Variants in DNHD1 observed in about 807,000 individuals in gnomAD.
DNHD1 encodes dynein heavy chain domain-containing protein 1.
In DNHD1, 383 loss-of-function variants were observed where a neutral mutation model predicts 458.1. The ratio of observed to expected loss-of-function variants is 0.84; its 90% confidence interval spans 0.77 to 0.91. The LOEUF (loss-of-function observed/expected upper bound fraction) is 0.91. Among genes scored for constraint, DNHD1 ranks in the 40% least tolerant of loss-of-function variants. DNHD1 has a pLI of 0.00. For synonymous variants in DNHD1, 2,203 were observed against 2,376.9 expected (o/e 0.93, Z 2.13); for missense variants, 5,336 against 5,866.1 (o/e 0.91, Z 2.95).
In DNHD1 at chr11:6,558,927, G is replaced by A. The variant is rs1208181224; in HGVS notation, c.9237G>A (p.Gln3079=). 6.4e-7 allele frequency: 1 copy of A among 1,551,680 alleles called. No homozygotes were observed. The highest frequency in any genetic ancestry group is 8.7e-7 in the Non-Finnish European group (1 of 1,146,996). Residue 3079 remains glutamine (Q), a synonymous_variant, in exon 27 of 43, where the codon CAG becomes CAA. Coordinates refer to ENST00000254579, the MANE Select transcript of DNHD1 (RefSeq NM_144666.3). ...GCTCCTGGAAGTACCCAGACCTCCA[G>A]GCCTCAATTCCCAGTGTGGCCAAAG... ...DDGSWKYPDL[Q]ASIPSVAKAM...
chr11:6,558,165 T>TCCTGGC lies in DNHD1; in HGVS notation c.8877_8882dup (p.Leu2960_Ala2961dup), dbSNP rs1333199832. The TCCTGGC allele has an allele frequency of 3.2e-6, 5 of 1,551,410 alleles. No homozygotes were observed. The highest frequency in any genetic ancestry group is 4.4e-6 in the Non-Finnish European group (5 of 1,146,972). ...GTGGATCTCACTACACTTCATCGCC[T>TCCTGGC]CCTGGCCCTGGCAACCTCAGGCAGT... On this transcript the variant is annotated inframe_insertion, in exon 25 of 43. Transcript: ENST00000254579.
chr11:6,557,241 A>G lies in DNHD1; in HGVS notation c.7946A>G (p.His2649Arg), dbSNP rs1392163684. Residue 2649 changes from histidine (H) to arginine (R), a missense_variant, in exon 25 of 43, where the codon CAT becomes CGT. By Grantham distance (29) the His-to-Arg change is conservative. This residue lies in a region of DNHD1 where 3,932 missense variants were observed against 4,365.6 expected (regional missense o/e 0.90). Transcript: ENST00000254579. ...ATRNVVRLWL[H>R]EAQRTFCDRL... ...CGCAATGTGGTGCGTCTTTGGTTGCATGAGGCACAGAGAACCTTTTGCGAC... is the reference window on the plus strand; with the variant it reads ...CGCAATGTGGTGCGTCTTTGGTTGCGTGAGGCACAGAGAACCTTTTGCGAC... The G allele has an allele frequency of 6.4e-6, 10 of 1,551,626 alleles. No homozygotes were observed. In the South Asian group the frequency reaches 1.1e-4, roughly 17 times the overall value.
intron 10 of DNHD1, among the ~76,000 whole-genome samples, chr11:6,525,761 A>G (rs1438821379): frequency 6.6e-6 from 1 of 152,176 alleles, no homozygotes; most frequent in African/African-American, 2.4e-5. Context: ...TATCTTAAAT[A>G]TGTTACTATG....
Position 6,557,418 on chromosome 11 carries a change from T to C in DNHD1, c.8123T>C (p.Val2708Ala). 1 of 1,550,980 alleles carries C rather than the reference T, an allele frequency of 6.4e-7. No individual in the cohort carries two copies. Among genetic ancestry groups the C allele is most frequent in the Non-Finnish European group, 8.7e-7 (1 of 1,147,014 alleles). The change falls in exon 25 of 43, where the codon GTA becomes GCA. Residue 2708 changes from valine (V) to alanine (A), a missense_variant. Coordinates refer to ENST00000254579, the MANE Select transcript of DNHD1 (RefSeq NM_144666.3). ...GAGGAGGAGGAGAGGGTGCCCGAAG[T>C]AGAATCTGAAGGGGAGTTGGCCCAG... The part of the protein sequence containing the change: ...EEEEEERVPE[V>A]ESEGELAQWE...
rs180756698 is a variant in DNHD1 at position 6,537,585 on chromosome 11, C to T, written c.2999-798C>T. 1.7e-3 allele frequency among the ~76,000 whole-genome samples: 263 copies of T among 151,740 alleles called. 4 individuals carry two copies. The highest frequency in any genetic ancestry group is 0.015 in the Admixed American group (231 of 15,250). On this transcript the variant is annotated intron_variant, in intron 14 of 42. Transcript: ENST00000254579. ...ACAGAGTAAGAGGGGTTGAAAATGC[C>T]GGGAAGGGTAGCTAGGAATTTTTAA...
chr11:6,512,211 CTTTTTTTTTTTTTT>C (rs11287049), intron 7 of DNHD1, among the ~76,000 whole-genome samples: 6 of 91,624 alleles, frequency 6.5e-5, no homozygotes, highest in Non-Finnish European at 1.0e-4. Flanking sequence ...CTTTTTCTTT[CTTTTTTTTTTTTTT>C]TTTTTTTTTT....
chr11:6,501,708 A>C (rs1310755604), intron 3 of DNHD1, among the ~76,000 whole-genome samples: 3 of 152,138 alleles, frequency 2.0e-5, no homozygotes, highest in Non-Finnish European at 2.9e-5. Context: ...GACTTGTGTG[A>C]AGACATCAGG....
intron 17 of DNHD1, among the ~76,000 whole-genome samples, chr11:6,539,523 G>A (rs75794455): frequency 6.6e-6 from 1 of 152,184 alleles, no homozygotes; most frequent in Admixed American, 6.5e-5. Context: ...TGTCCCTGAT[G>A]GGGGAAGGAA....
chr11:6,558,842 CT>C, intron 26 of DNHD1, 59 bp from the exon 27 acceptor site: 2 of 1,531,352 alleles, frequency 1.3e-6, no homozygotes, highest in Non-Finnish European at 1.8e-6. Context: ...GAGAGGATCC[CT>C]TTCCTTTCCT....
At position 6,544,658 on chromosome 11, in the gene DNHD1, C is replaced by G. The variant is rs1396133343; in HGVS notation, c.3839C>G (p.Pro1280Arg). 7 of 1,551,502 alleles carry G rather than the reference C, an allele frequency of 4.5e-6. No homozygotes were observed. The highest frequency in any genetic ancestry group is 6.1e-6 in the Non-Finnish European group (7 of 1,146,936). The change falls in exon 20 of 43, where the codon CCT (proline) becomes CGT (arginine). Residue 1280 changes from proline to arginine, a missense_variant. Pro to Arg is a moderately radical substitution (Grantham distance 103). Coordinates refer to ENST00000254579, the MANE Select transcript of DNHD1 (RefSeq NM_144666.3). ...KVLHEMKIQF[P>R]NADLNSRFKV... Reference sequence around the variant, plus strand: ...CTGCATGAGATGAAGATCCAGTTTCCTAATGCTGACCTGGTAGGGAAGGGG... The same window carrying G: ...CTGCATGAGATGAAGATCCAGTTTCGTAATGCTGACCTGGTAGGGAAGGGG...
intron 14 of DNHD1, 114 bp from the exon 15 acceptor site, chr11:6,538,269 A>G: frequency 1.2e-6 from 1 of 848,532 alleles, no homozygotes; most frequent in South Asian, 1.7e-5. Flanking sequence ...CCCACCCCCA[A>G]CCATCACTTT....
intron 24 of DNHD1, among the ~76,000 whole-genome samples, chr11:6,550,789 T>G (rs1297039465): frequency 6.6e-6 from 1 of 152,194 alleles, no homozygotes; most frequent in Admixed American, 6.5e-5. Context: ...GGACATCTCA[T>G]AATTGAAAGA....
intron 12 of DNHD1, among the ~76,000 whole-genome samples, 189 bp downstream of exon 12, chr11:6,529,310 G>A (rs369651635): frequency 2.6e-5 from 4 of 152,116 alleles, no homozygotes; most frequent in African/African-American, 9.7e-5. Context: ...TGCAAAGGCC[G>A]GCCTCTCTGT....
At chr11:6,560,406 C>A (rs1166002652) in intron 28 of DNHD1, among the ~76,000 whole-genome samples, 1 of 152,162 alleles carries the variant, frequency 6.6e-6, no homozygotes, top group Non-Finnish European at 1.5e-5. Context: ...GGTACTGGTG[C>A]CCTCCTACTA....
intron 3 of DNHD1, 122 bp from the exon 4 acceptor site, chr11:6,502,631 C>T (rs1589864218): frequency 2.2e-5 from 18 of 804,192 alleles, no homozygotes; most frequent in East Asian, 8.9e-5. Flanking sequence ...GACAATGCCA[C>T]GTCAGGTCTC....
intron 19 of DNHD1, 102 bp downstream of exon 19, chr11:6,544,348 G>A: frequency 7.3e-7 from 1 of 1,362,938 alleles, no homozygotes; most frequent in Non-Finnish European, 1.0e-6. Context: ...AAGATATGAA[G>A]AACACAGTGA....
At position 6,539,246 on chromosome 11, in the gene DNHD1, T is replaced by C. The variant is rs1371687800; in HGVS notation, c.3353T>C (p.Ile1118Thr). ...CTTGGGCTGGGCAGTCTCCAAACTA[T>C]AGAACTCCTAACGCTGGGCCAGCTG... ...RALGLGSLQT[I>T]ELLTLGQLLT... Residue 1118 changes from isoleucine (I) to threonine (T), a missense_variant, in exon 17 of 43, where the codon ATA becomes ACA. Physicochemically the swap from Ile to Thr is moderately conservative, Grantham distance 89. Transcript: ENST00000254579. The C allele has an allele frequency of 1.9e-6, 3 of 1,551,644 alleles. No homozygotes were observed. The highest frequency in any genetic ancestry group is 1.4e-5 in the African/African-American group (1 of 73,182).
rs1251250292 is a variant in DNHD1, at chr11:6,546,611, C to T, written c.5672C>T (p.Thr1891Ile). Reference sequence around the variant, plus strand: ...GACACAATACGGACACTAAATGTGACCAAGGAGGAACCGAAGTGCCAGAAG... The same window carrying T: ...GACACAATACGGACACTAAATGTGATCAAGGAGGAACCGAAGTGCCAGAAG... ...LEDTIRTLNV[T>I]KEEPKCQKPR... is the part of the protein sequence containing the mutation. The change falls in exon 21 of 43, where the codon ACC becomes ATC. Residue 1891 changes from threonine to isoleucine, a missense_variant. Transcript: ENST00000254579. The T allele has an allele frequency of 1.3e-6, 2 of 1,551,646 alleles. No homozygotes were observed. The highest frequency in any genetic ancestry group is 3.9e-5 in the Admixed American group (2 of 50,992).
At position 6,546,709 on chromosome 11, in the gene DNHD1, C is replaced by T. The variant is rs899598170; in HGVS notation, c.5770C>T (p.His1924Tyr). ...ACTGTTTAGCATTCTCAATGGGCTC[C>T]ACCTGCACAACCTCCGAGGGCTGTT... ...SPLFSILNGL[H>Y]LHNLRGLLCA... The change falls in exon 21 of 43, where the codon CAC becomes TAC. Residue 1924 changes from histidine (H) to tyrosine (Y), a missense_variant. By Grantham distance (83) the His-to-Tyr change is moderately conservative. Around this residue, in one of 4 missense-constraint regions of DNHD1, gnomAD observed 3,932 missense variants for 4,365.6 expected, o/e 0.90. Transcript: ENST00000254579. 27 of 1,551,636 alleles carry T rather than the reference C, an allele frequency of 1.7e-5. No homozygotes were observed. Among genetic ancestry groups the T allele is most frequent in the Non-Finnish European group, 2.2e-5 (25 of 1,146,998 alleles).
Sources: gnomAD v4.1 joint callset for allele counts (sites outside exome capture counted in the v4.1 genomes callset) on GRCh38, gnomAD v4.1.1 for gene constraint, gnomAD v4.1.1 regional missense constraint, MANE v1.5 for transcripts, NCBI Gene and HGNC (gene_info 2026-07-23, HGNC 2026-07-21) for gene names.